ARMC9: variants seen among roughly 807,000 people sequenced by gnomAD.
The protein encoded by ARMC9 is armadillo repeat containing 9, also known as lisH domain-containing protein ARMC9.
In ARMC9, 94 loss-of-function variants were observed where a neutral mutation model predicts 107.0. That is an observed-to-expected ratio of 0.88 (90% CI 0.74 to 1.04). The LOEUF (loss-of-function observed/expected upper bound fraction) is 1.04. Ranked by LOEUF, ARMC9 falls within the 50% of genes least tolerant of loss-of-function variation. ARMC9 has a pLI of 0.00. For synonymous variants in ARMC9, 380 were observed against 396.9 expected (o/e 0.96, Z 0.51); for missense variants, 942 against 1,030.1 (o/e 0.91, Z 1.17).
chr2:231,361,925 G>A (rs921390101), intron 23 of ARMC9, among the ~76,000 whole-genome samples: 1 of 152,174 alleles, frequency 6.6e-6, no homozygotes, highest in Non-Finnish European at 1.5e-5. Flanking sequence ...GTAAGAGAAA[G>A]GGGGCGCAGA....
chr2:231,236,721 A>C (rs759642170), intron 8 of ARMC9, among the ~76,000 whole-genome samples: 10 of 152,172 alleles, frequency 6.6e-5, no homozygotes, highest in Non-Finnish European at 1.5e-4. Context: ...TGGGCAGATC[A>C]TCTGAGGTCA....
chr2:231,296,381 G>A, intron 19 of ARMC9, 128 bp downstream of exon 19: 2 of 868,018 alleles, frequency 2.3e-6, no homozygotes, highest in South Asian at 1.8e-5. Context: ...CAATTCTGAG[G>A]GTTGGCTAAA....
chr2:231,297,874 T>C lies in ARMC9; in HGVS notation c.1773+1621T>C, dbSNP rs971070031. Among the ~76,000 whole-genome samples the C allele has an allele frequency of 1.8e-4, 27 of 152,254 alleles. No homozygotes were observed. Among genetic ancestry groups the C allele is most frequent in the Admixed American group, 7.8e-4 (12 of 15,292 alleles). Reference sequence around the variant, plus strand: ...GTGTCCTAAAGTTTGTCTCGAGATCTGTTTTCTTCCCTTCTTGTATCATCC... The same window carrying C: ...GTGTCCTAAAGTTTGTCTCGAGATCCGTTTTCTTCCCTTCTTGTATCATCC... On this transcript the variant is annotated intron_variant, in intron 19 of 24. Transcript: ENST00000611582. The surrounding 1 kb of genome is among the most constrained non-coding windows in gnomAD (Gnocchi z 4.2).
At chr2:231,268,629 G>A (rs2039050985) in intron 12 of ARMC9, among the ~76,000 whole-genome samples, 1 of 152,064 alleles carries the variant, frequency 6.6e-6, no homozygotes, top group Non-Finnish European at 1.5e-5. Context: ...AAGTACACAG[G>A]AAGTAAATTT....
At chr2:231,313,897 A>G (rs1351102237) in intron 19 of ARMC9, among the ~76,000 whole-genome samples, 1 of 149,886 alleles carries the variant, frequency 6.7e-6, no homozygotes, top group Non-Finnish European at 1.5e-5. Flanking sequence ...CTGGAACTGC[A>G]GGTGTGTGCC....
In ARMC9 at chr2:231,375,746, T is replaced by C. The variant is rs150139230; in HGVS notation, c.*4211T>C. On this transcript the variant is annotated 3_prime_UTR_variant, in exon 25 of 25. Transcript: ENST00000611582. The surrounding 1 kb of genome is among the most constrained non-coding windows in gnomAD (Gnocchi z 4.3). ...GCAAAAAGTCAGGGCTACAGAGCCC[T>C]ATCCAGAGTCGTCATCTTAAGGTGT... Among the ~76,000 whole-genome samples the C allele has an allele frequency of 5.6e-4, 86 of 152,296 alleles. 1 individual carries two copies. The highest frequency in any genetic ancestry group is 1.9e-3 in the African/African-American group (81 of 41,560).
intron 1 of ARMC9, among the ~76,000 whole-genome samples, chr2:231,201,920 CCTCCCTTCCGTTCCCACT>C (rs1019407410): frequency 2.0e-3 from 302 of 152,230 alleles, no homozygotes; most frequent in Non-Finnish European, 3.5e-3. Context: ...TGGTTCCCAC[CCTCCCTTCCGTTCCCACT>C]CTCCCTTCTC....
At position 231,272,944 on chromosome 2, in the gene ARMC9, T is replaced by G. The variant is rs762716621; in HGVS notation, c.1211-11T>G. On this transcript the variant is annotated splice_polypyrimidine_tract_variant and intron_variant, in intron 13 of 24. Coordinates refer to ENST00000611582, the MANE Select transcript of ARMC9 (RefSeq NM_001352754.2). ...TGTCTTTCACCTGTTTCATCTCTGG[T>G]GTATTATCAGGTCGCCTCTACCTTG... The G allele has an allele frequency of 6.2e-7, 1 of 1,608,212 alleles. No individual in the cohort carries two copies. The highest frequency in any genetic ancestry group is 8.5e-7 in the Non-Finnish European group (1 of 1,178,398).
intron 19 of ARMC9, among the ~76,000 whole-genome samples, chr2:231,316,004 T>A (rs1036379389): frequency 3.4e-4 from 52 of 152,206 alleles, no homozygotes; most frequent in African/African-American, 1.2e-3. Context: ...TTAATACTGA[T>A]TTATTACTGG....
intron 3 of ARMC9, among the ~76,000 whole-genome samples, chr2:231,213,422 A>G (rs1199559011): frequency 6.6e-6 from 1 of 151,354 alleles, no homozygotes; most frequent in Non-Finnish European, 1.5e-5. Flanking sequence ...TTGGCCTTCC[A>G]AAGTGCTGGG....
chr2:231,215,233 C>T (rs2033368620), intron 4 of ARMC9: 2 of 458,988 alleles, frequency 4.4e-6, no homozygotes, highest in East Asian at 3.9e-5. Context: ...TTCCTAAATA[C>T]CTCAAGTTTT....
chr2:231,322,067 T>C (rs1437286871), intron 19 of ARMC9, among the ~76,000 whole-genome samples: 1 of 152,260 alleles, frequency 6.6e-6, no homozygotes, highest in Non-Finnish European at 1.5e-5. Flanking sequence ...GTCATATCCT[T>C]ATTTAATGAA....
intron 20 of ARMC9, 95 bp from the exon 21 acceptor site, chr2:231,344,880 T>C (rs760429852): frequency 1.7e-6 from 2 of 1,176,388 alleles, no homozygotes; most frequent in Non-Finnish European, 2.5e-6. Context: ...CTTCTTATCA[T>C]TATAGAGTAG....
At chr2:231,282,168 C>T in intron 17 of ARMC9, 35 bp downstream of exon 17, 4 of 1,603,188 alleles carry the variant, frequency 2.5e-6, no homozygotes, top group Non-Finnish European at 3.4e-6. Context: ...TGTGAGCTTC[C>T]TTTAGTGCCA....
rs1301763233 is a variant in ARMC9 at position 231,240,649 on chromosome 2, A to G, written c.879+608A>G. On this transcript the variant is annotated intron_variant, in intron 9 of 24. Coordinates refer to ENST00000611582, the MANE Select transcript of ARMC9 (RefSeq NM_001352754.2). The stretch of plus-strand genomic sequence containing the variant: ...CTTAAGGTTAGGAATATTCTCTCAT[A>G]TAACTATACAGTTACCAACTTCAGT... 4.6e-5 allele frequency among the ~76,000 whole-genome samples: 7 copies of G among 152,312 alleles called. No individual in the cohort carries two copies. In the Middle Eastern group the frequency reaches 0.01, roughly 222 times the overall value.
chr2:231,355,678 T>G lies in ARMC9; in HGVS notation c.1995-120T>G, dbSNP rs962557659. On this transcript the variant is annotated intron_variant, in intron 21 of 24. Transcript: ENST00000611582. ...TTTAGAAGGTCTGATATGCTAATGA[T>G]GGTTTAACAAGACTTTGAGGCACCG... 1.1e-5 allele frequency: 13 copies of G among 1,235,792 alleles called. No individual in the cohort carries two copies. In the Admixed American group the frequency reaches 1.3e-4, roughly 12 times the overall value. 76.6% of individuals were successfully genotyped at this position (1,235,792 alleles called of 1,614,324 possible).
intron 16 of ARMC9, 142 bp from the exon 17 acceptor site, chr2:231,281,917 C>A: frequency 4.2e-6 from 3 of 719,622 alleles, no homozygotes; most frequent in Non-Finnish European, 7.1e-6. Context: ...TGGAAACATA[C>A]ATCCTGGAGC....
chr2:231,305,114 T>C (rs1040369845), intron 19 of ARMC9, among the ~76,000 whole-genome samples: 8 of 152,354 alleles, frequency 5.3e-5, no homozygotes, highest in Middle Eastern at 3.4e-3. Flanking sequence ...CCATAAGGGT[T>C]AAGAGTTAAT....
intron 20 of ARMC9, among the ~76,000 whole-genome samples, chr2:231,339,244 C>T (rs1267760899): frequency 6.6e-6 from 1 of 151,778 alleles, no homozygotes; most frequent in African/African-American, 2.4e-5. Context: ...AGGAGAATTG[C>T]TTGAACCTGG....
Sources: gnomAD v4.1 joint callset for allele counts (sites outside exome capture counted in the v4.1 genomes callset) on GRCh38, gnomAD v4.1.1 for gene constraint, Gnocchi (gnomAD v3.1) non-coding constraint, MANE v1.5 for transcripts, NCBI Gene and HGNC (gene_info 2026-07-23, HGNC 2026-07-21) for gene names.